Variants in GRID2 observed in about 807,000 individuals in gnomAD.
GRID2 encodes the protein glutamate receptor ionotropic, delta-2.
A neutral mutation model predicts 114.8 loss-of-function variants in GRID2; 33 were observed. The ratio of observed to expected loss-of-function variants is 0.29; its 90% confidence interval spans 0.22 to 0.38. The LOEUF (loss-of-function observed/expected upper bound fraction) is 0.38. Among genes scored for constraint, GRID2 ranks in the 10% least tolerant of loss-of-function variants. The probability of loss-of-function intolerance (pLI) is 1.00; values close to 1 mark genes in which losing one functional copy is unlikely to be tolerated. For synonymous variants in GRID2, 505 were observed against 449.9 expected, an observed-to-expected ratio of 1.12 and a Z score of -1.55; for missense variants, 1,184 against 1,257.7, an observed-to-expected ratio of 0.94 and a Z score of 0.89.
intron 1 of GRID2, among the ~76,000 whole-genome samples, chr4:92,423,208 G>A (rs1399438444): frequency 6.6e-6 from 1 of 152,136 alleles, no homozygotes; most frequent in African/African-American, 2.4e-5. Flanking sequence ...CTTGTAGGTA[G>A]AGCTATATAG....
chr4:93,333,816 G>A (rs1260116932), intron 8 of GRID2, among the ~76,000 whole-genome samples: 1 of 151,994 alleles, frequency 6.6e-6, no homozygotes, highest in Non-Finnish European at 1.5e-5. Context: ...GTTTACTTAT[G>A]AGTCAATAAA....
intron 13 of GRID2, among the ~76,000 whole-genome samples, chr4:93,563,527 G>T (rs1560757337): frequency 6.6e-6 from 1 of 151,912 alleles, no homozygotes; most frequent in African/African-American, 2.4e-5. Flanking sequence ...TGGCCCAAAA[G>T]CCCCACTGTT....
intron 11 of GRID2, among the ~76,000 whole-genome samples, chr4:93,484,244 C>G (rs2149450480): frequency 6.6e-6 from 1 of 151,988 alleles, no homozygotes; most frequent in East Asian, 1.9e-4. Context: ...GACCCAGCCC[C>G]CATTTCCTTT....
chr4:92,467,059 AATT>A (rs1721794599), intron 1 of GRID2, among the ~76,000 whole-genome samples: 2 of 151,798 alleles, frequency 1.3e-5, no homozygotes, highest in African/African-American at 4.8e-5. Context: ...AGAACATTTT[AATT>A]ATTGTTATCA....
chr4:92,660,614 C>G (rs1014919254), intron 2 of GRID2, among the ~76,000 whole-genome samples: 5 of 151,206 alleles, frequency 3.3e-5, no homozygotes, highest in African/African-American at 1.2e-4. Context: ...CAAGAGTTTA[C>G]CAGCTACTTT....
At chr4:93,383,773 C>G (rs192861512) in intron 8 of GRID2, among the ~76,000 whole-genome samples, 1 of 152,246 alleles carries the variant, frequency 6.6e-6, no homozygotes, top group Admixed American at 6.5e-5. Flanking sequence ...CTGCTCTGGA[C>G]CAGCCTTTTT....
intron 2 of GRID2, among the ~76,000 whole-genome samples, chr4:92,990,198 CTGTG>C (rs3970985): frequency 0.056 from 7,001 of 124,554 alleles, 237 homozygotes; most frequent in Non-Finnish European, 0.07. Flanking sequence ...TTAACATTTT[CTGTG>C]TGTGTGTGTG....
chr4:93,433,626 A>C (rs1488293171), intron 10 of GRID2, among the ~76,000 whole-genome samples: 1 of 152,106 alleles, frequency 6.6e-6, no homozygotes, highest in African/African-American at 2.4e-5. Context: ...TCCTGTGCTC[A>C]TCCCCACTCC....
intron 14 of GRID2, among the ~76,000 whole-genome samples, chr4:93,732,341 A>G (rs969538151): frequency 1.3e-5 from 2 of 152,198 alleles, no homozygotes; most frequent in African/African-American, 4.8e-5. Flanking sequence ...TTTAAGTTGT[A>G]GCTTAAATCA....
At chr4:92,569,133 C>T (rs1727488216) in intron 1 of GRID2, among the ~76,000 whole-genome samples, 1 of 151,988 alleles carries the variant, frequency 6.6e-6, no homozygotes, top group Non-Finnish European at 1.5e-5. Flanking sequence ...ACCCCACACC[C>T]TCCAACAGGC....
intron 2 of GRID2, among the ~76,000 whole-genome samples, chr4:92,969,129 G>C (rs918463049): frequency 5.3e-5 from 8 of 151,644 alleles, no homozygotes; most frequent in Non-Finnish European, 1.2e-4. Context: ...AGTTTTGACA[G>C]CGTGTTTGCT....
chr4:92,608,417 C>A (rs530224441), intron 2 of GRID2, among the ~76,000 whole-genome samples: 5 of 151,914 alleles, frequency 3.3e-5, no homozygotes, highest in Middle Eastern at 3.4e-3. Flanking sequence ...GGTACAATGC[C>A]TCCACTGTGT....
At chr4:93,307,038 A>G (rs1318678940) in intron 8 of GRID2, among the ~76,000 whole-genome samples, 3 of 152,062 alleles carry the variant, frequency 2.0e-5, no homozygotes, top group Non-Finnish European at 4.4e-5. Flanking sequence ...TCTACTAAAA[A>G]TACAAAAATT....
At chr4:93,390,580 C>G (rs1291326340) in intron 8 of GRID2, among the ~76,000 whole-genome samples, 1 of 152,118 alleles carries the variant, frequency 6.6e-6, no homozygotes, top group Admixed American at 6.6e-5. Context: ...TGAACTCAAT[C>G]AGTCTTCTTC....
intron 12 of GRID2, among the ~76,000 whole-genome samples, chr4:93,508,649 C>T (rs1440298050): frequency 6.6e-6 from 1 of 152,090 alleles, no homozygotes; most frequent in African/African-American, 2.4e-5. Context: ...TGAAGAAGAC[C>T]ACCATAAAAC....
Position 93,218,043 on chromosome 4 carries a change from C to T in GRID2, c.963+1132C>T, listed in dbSNP as rs764153729. The stretch of plus-strand genomic sequence containing the variant: ...TTTGCAAAACTAATCTGAAAAATAA[C>T]CCCACAACCTCCCTATCCTTAGTCA... On this transcript the variant is annotated intron_variant, in intron 6 of 15. Coordinates refer to ENST00000282020, the MANE Select transcript of GRID2 (RefSeq NM_001510.4). 1.3e-5 allele frequency among the ~76,000 whole-genome samples: 2 copies of T among 151,718 alleles called. 1 individual carries two copies. Among genetic ancestry groups the T allele is most frequent in the South Asian group, 4.2e-4 (2 of 4,802 alleles).
chr4:92,990,279 ATG>A (rs201955082), intron 2 of GRID2, among the ~76,000 whole-genome samples: 3 of 96,992 alleles, frequency 3.1e-5, no homozygotes, highest in Admixed American at 1.2e-4. Flanking sequence ...GTACGTAGAT[ATG>A]TGTGTGTATA....
rs546048060 is a variant in GRID2, at chr4:93,211,979, C to T, written c.789+4522C>T. Among the ~76,000 whole-genome samples, 55 of 151,446 alleles carry T rather than the reference C, an allele frequency of 3.6e-4. 1 individual carries two copies. The highest frequency in any genetic ancestry group is 9.9e-4 in the Admixed American group (15 of 15,182). ...GCCTCAGAAAATGACTTACATTTTT[C>T]TTGCACACTTTTCATTTACATGCTT... On this transcript the variant is annotated intron_variant, in intron 5 of 15. Transcript: ENST00000282020.
chr4:93,252,505 GC>G (rs1235055174), intron 8 of GRID2, among the ~76,000 whole-genome samples: 1 of 151,922 alleles, frequency 6.6e-6, no homozygotes, highest in Non-Finnish European at 1.5e-5. Flanking sequence ...GTAACATGAT[GC>G]CCCCAGCTTT....
Sources: allele counts gnomAD v4.1 joint callset (sites outside exome capture counted in the v4.1 genomes callset), GRCh38; gene constraint gnomAD v4.1.1; transcripts MANE v1.5; gene names NCBI Gene and HGNC (gene_info 2026-07-23, HGNC 2026-07-21).